The following GRIK2 variants were observed in gnomAD, a reference collection of about 807,000 sequenced individuals.
GRIK2 encodes the protein glutamate ionotropic receptor kainate type subunit 2.
In GRIK2, 32 loss-of-function variants were observed where a neutral mutation model predicts 100.3. That is an observed-to-expected ratio of 0.32 (90% confidence interval 0.24 to 0.43). The LOEUF (loss-of-function observed/expected upper bound fraction) is 0.43, where lower values mean the gene tolerates loss of function less well. Among genes scored for constraint, GRIK2 ranks in the 20% least tolerant of loss-of-function variants. GRIK2 has a pLI of 1.00. For missense variants in GRIK2, 843 were observed against 1,114.9 expected, an observed-to-expected ratio of 0.76 and a Z score of 3.47; for synonymous variants, 417 against 389.4, an observed-to-expected ratio of 1.07 and a Z score of -0.83.
chr6:101,786,389 A>G (rs948499946), intron 7 of GRIK2, among the ~76,000 whole-genome samples: 1 of 151,958 alleles, frequency 6.6e-6, no homozygotes, highest in Non-Finnish European at 1.5e-5. Flanking sequence ...TTTTTAGAGG[A>G]AAGGATTTCA....
chr6:101,613,264 A>G (rs1311161794), intron 2 of GRIK2, among the ~76,000 whole-genome samples: 4 of 151,920 alleles, frequency 2.6e-5, no homozygotes, highest in Non-Finnish European at 5.9e-5. Context: ...GACAGACTCC[A>G]GTGGGGTATC....
chr6:101,696,757 TAGAA>T (rs542622182), intron 7 of GRIK2, among the ~76,000 whole-genome samples: 1 of 151,854 alleles, frequency 6.6e-6, no homozygotes, highest in Non-Finnish European at 1.5e-5. Flanking sequence ...AGGTTATATA[TAGAA>T]AGAAAGATCC....
At chr6:102,013,018 T>C (rs960548409) in intron 14 of GRIK2, among the ~76,000 whole-genome samples, 4 of 152,158 alleles carry the variant, frequency 2.6e-5, no homozygotes, top group Admixed American at 6.5e-5. Flanking sequence ...TGTAAATTGC[T>C]CTGGGCATTA....
intron 7 of GRIK2, among the ~76,000 whole-genome samples, chr6:101,760,743 T>G (rs1296749694): frequency 7.5e-6 from 1 of 134,112 alleles, no homozygotes; most frequent in Non-Finnish European, 1.6e-5. Context: ...ATTATATATT[T>G]AATTATATAT....
At chr6:101,462,257 C>A (rs1245785616) in intron 2 of GRIK2, among the ~76,000 whole-genome samples, 1 of 152,120 alleles carries the variant, frequency 6.6e-6, no homozygotes, top group Non-Finnish European at 1.5e-5. Flanking sequence ...TCTGATATAG[C>A]AATGTGCTCC....
At chr6:101,818,253 G>A (rs768029570) in intron 9 of GRIK2, 117 bp from the exon 10 acceptor site, 85 of 616,754 alleles carry the variant, frequency 1.4e-4, no homozygotes, top group Non-Finnish European at 2.3e-4. Flanking sequence ...TACTTTAACG[G>A]CAGCAGACAA....
At chr6:101,623,932 AC>A (rs1372732126) in intron 3 of GRIK2, among the ~76,000 whole-genome samples, 2 of 152,090 alleles carry the variant, frequency 1.3e-5, no homozygotes, top group Admixed American at 6.5e-5. Flanking sequence ...TATTTTTTTA[AC>A]TTTATCAAGA....
chr6:101,791,279 G>A (rs1354275914), intron 7 of GRIK2, among the ~76,000 whole-genome samples: 5 of 151,676 alleles, frequency 3.3e-5, no homozygotes, highest in Admixed American at 6.6e-5. Context: ...TTGCTTTTCT[G>A]GTTCTTTTAA....
intron 4 of GRIK2, among the ~76,000 whole-genome samples, chr6:101,665,033 G>A (rs572284726): frequency 3.1e-4 from 47 of 152,284 alleles, no homozygotes; most frequent in Middle Eastern, 3.4e-3. Context: ...TGAGATTTGC[G>A]TGGGGACACA....
At chr6:101,986,083 C>G (rs865782528) in intron 14 of GRIK2, among the ~76,000 whole-genome samples, 1 of 151,868 alleles carries the variant, frequency 6.6e-6, no homozygotes, top group South Asian at 2.1e-4. Flanking sequence ...ATCTCAATGT[C>G]TGGATTTCAA....
At chr6:101,917,889 A>T (rs1789222430) in intron 12 of GRIK2, among the ~76,000 whole-genome samples, 1 of 151,546 alleles carries the variant, frequency 6.6e-6, no homozygotes, top group Non-Finnish European at 1.5e-5. Context: ...GTAAATATGA[A>T]AATAGTATGT....
chr6:101,990,990 TATC>T (rs755221446), intron 14 of GRIK2, among the ~76,000 whole-genome samples: 22 of 152,016 alleles, frequency 1.4e-4, no homozygotes, highest in East Asian at 5.8e-4. Context: ...CCACAAAAGA[TATC>T]ATGGAAAGAT....
At chr6:101,699,372 A>G (rs1013194729) in intron 7 of GRIK2, among the ~76,000 whole-genome samples, 3 of 152,082 alleles carry the variant, frequency 2.0e-5, no homozygotes, top group Non-Finnish European at 2.9e-5. Flanking sequence ...CTGTTTAGTT[A>G]TCTGGTTCTT....
intron 14 of GRIK2, among the ~76,000 whole-genome samples, chr6:102,034,286 C>T (rs1458792068): frequency 6.6e-6 from 1 of 151,236 alleles, no homozygotes; most frequent in Non-Finnish European, 1.5e-5. Flanking sequence ...ATATTGTGGG[C>T]CTGCCTTGTA....
intron 14 of GRIK2, among the ~76,000 whole-genome samples, chr6:102,004,286 CA>C (rs1209870558): frequency 1.5e-5 from 2 of 135,580 alleles, no homozygotes; most frequent in African/African-American, 2.7e-5. Flanking sequence ...CCTGTAAGTT[CA>C]TTTTTTTTTT....
intron 2 of GRIK2, among the ~76,000 whole-genome samples, chr6:101,402,188 C>A (rs1243975211): frequency 6.6e-6 from 1 of 152,124 alleles, no homozygotes; most frequent in Non-Finnish European, 1.5e-5. Flanking sequence ...GCGTGCGCAA[C>A]CCTCTTCCCC....
intron 12 of GRIK2, among the ~76,000 whole-genome samples, chr6:101,905,916 G>A (rs988418843): frequency 1.3e-5 from 2 of 151,572 alleles, no homozygotes; most frequent in African/African-American, 4.8e-5. Flanking sequence ...GGGAAATGAT[G>A]ACTTTATGAA....
In GRIK2 at chr6:101,653,952, C is replaced by T. The variant is rs138855684; in HGVS notation, c.542-22671C>T. ...ATATCTTTCTAGTGGAAAATTATAC[C>T]GGCTTATGCACTTCTCTCATGGTAA... On this transcript the variant is annotated intron_variant, in intron 4 of 16. Coordinates refer to ENST00000369134, the MANE Select transcript of GRIK2 (RefSeq NM_021956.5). Among the ~76,000 whole-genome samples, 428 of 152,194 alleles carry T rather than the reference C, an allele frequency of 2.8e-3. 1 individual carries two copies. The highest frequency in any genetic ancestry group is 2.9e-3 in the Non-Finnish European group (194 of 68,012).
intron 14 of GRIK2, among the ~76,000 whole-genome samples, chr6:101,961,622 T>C (rs6927962): frequency 0.032 from 4,882 of 152,168 alleles, 146 homozygotes; most frequent in East Asian, 0.065. Flanking sequence ...TCTCATGCAA[T>C]GGGCGCAGTA....
Sources: allele counts gnomAD v4.1 joint callset (sites outside exome capture counted in the v4.1 genomes callset), GRCh38; gene constraint gnomAD v4.1.1; transcripts MANE v1.5; gene names NCBI Gene and HGNC (gene_info 2026-07-23, HGNC 2026-07-21).